The following FANCD2 variants were observed in gnomAD, a reference collection of about 807,000 sequenced individuals.
FANCD2 encodes the protein FA complementation group D2, also known as Fanconi anemia group D2 protein.
In FANCD2, 131 loss-of-function variants were observed where a neutral mutation model predicts 192.3. The ratio of observed to expected loss-of-function variants is 0.68; its 90% CI spans 0.59 to 0.79. FANCD2 has a LOEUF of 0.79. Among genes scored for constraint, FANCD2 ranks in the 30% least tolerant of loss-of-function variants. FANCD2 has a pLI of 0.00. For synonymous variants in FANCD2, 524 were observed against 612.5 expected, an observed-to-expected ratio of 0.86 and a Z score of 2.13; for missense variants, 1,508 against 1,701.6, an observed-to-expected ratio of 0.89 and a Z score of 2.00.
At chr3:10,091,074 T>A (rs1383260629) in intron 37 of FANCD2, among the ~76,000 whole-genome samples, 2 of 151,720 alleles carry the variant, frequency 1.3e-5, no homozygotes, top group African/African-American at 4.8e-5. Context: ...AGCCAGTATA[T>A]GTTTTTTCTT....
At chr3:10,057,142 C>T (rs2087436738) in intron 18 of FANCD2, among the ~76,000 whole-genome samples, 1 of 152,070 alleles carries the variant, frequency 6.6e-6, no homozygotes, top group Non-Finnish European at 1.5e-5. Flanking sequence ...AGGCATGAGC[C>T]ACCGTGCTCA....
At chr3:10,079,076 A>C (rs1355836318) in intron 30 of FANCD2, among the ~76,000 whole-genome samples, 1 of 152,002 alleles carries the variant, frequency 6.6e-6, no homozygotes, top group Non-Finnish European at 1.5e-5. Flanking sequence ...GCCTGTCTCT[A>C]CTAAAAATAC....
chr3:10,049,254 G>T, intron 16 of FANCD2, 120 bp from the exon 17 acceptor site: 1 of 992,700 alleles, frequency 1.0e-6, no homozygotes, highest in Non-Finnish European at 1.6e-6. Context: ...AATAGGTGAT[G>T]GGTTTGGGTT....
chr3:10,079,365 T>C (rs549360040), intron 30 of FANCD2, among the ~76,000 whole-genome samples: 8 of 152,094 alleles, frequency 5.3e-5, no homozygotes, highest in South Asian at 2.1e-4. Flanking sequence ...AGTGCAGTGG[T>C]GCAATCTCGG....
In FANCD2 at chr3:10,081,405, C is replaced by T. The variant is rs375929975; in HGVS notation, c.3165C>T (p.Tyr1055=). 242 of 1,613,896 alleles carry T rather than the reference C, an allele frequency of 1.5e-4. No homozygotes were observed. The highest frequency in any genetic ancestry group is 2.0e-4 in the Non-Finnish European group (232 of 1,179,948). ...GACCAGGAGTGAAAGTTCAGGAGTA[C>T]CACATAATGTCTTCCTGCTATCAGA... ...VDGPGVKVQE[Y]HIMSSCYQRL... Residue 1055 remains tyrosine, a synonymous_variant, in exon 32 of 44, where the codon TAC becomes TAT. Transcript: ENST00000675286.
intron 18 of FANCD2, 42 bp downstream of exon 18, chr3:10,052,539 AC>A: frequency 1.5e-6 from 2 of 1,329,028 alleles, no homozygotes; most frequent in Non-Finnish European, 2.2e-6. Context: ...TTTTTTTGAG[AC>A]AGAGTCTAGC....
intron 1 of FANCD2, 101 bp downstream of exon 1, chr3:10,026,574 G>C (rs2086456153): frequency 4.1e-6 from 1 of 245,214 alleles, no homozygotes; most frequent in Non-Finnish European, 6.5e-6. Context: ...CTGGGGCTCC[G>C]CGCCCCGAAC....
chr3:10,048,195 G>A (rs2087085475), intron 16 of FANCD2, 144 bp downstream of exon 16: 5 of 1,065,748 alleles, frequency 4.7e-6, no homozygotes, highest in Non-Finnish European at 5.6e-6. Flanking sequence ...TCCCAGCCTT[G>A]ATGAAAGGAA....
At position 10,034,469 on chromosome 3, in the gene FANCD2, C is replaced by T. The variant is rs2086681430; in HGVS notation, c.206C>T (p.Ala69Val). Reference sequence around the variant, plus strand: ...ACCAGCTCTTCTTTTTTCTGCATAGCTGTGGATCAAATAGCTTTCCAAAAG... The same window carrying T: ...ACCAGCTCTTCTTTTTTCTGCATAGTTGTGGATCAAATAGCTTTCCAAAAG... Reference protein sequence around the residue: ...LKTGESQNQLAVDQIAFQKKL... With the variant: ...LKTGESQNQLVVDQIAFQKKL... The change falls in exon 4 of 44, where the codon GCT becomes GTT. Residue 69 changes from alanine (A) to valine (V), a missense_variant and splice_region_variant. By Grantham distance (64) the Ala-to-Val change is moderately conservative. Transcript: ENST00000675286. The T allele has an allele frequency of 6.2e-7, 1 of 1,610,496 alleles. No individual in the cohort carries two copies. Among genetic ancestry groups the T allele is most frequent in the Non-Finnish European group, 8.5e-7 (1 of 1,176,980 alleles).
chr3:10,092,375 T>G, intron 38 of FANCD2, 123 bp downstream of exon 38: 1 of 804,594 alleles, frequency 1.2e-6, no homozygotes. Flanking sequence ...TCTCCCTGAG[T>G]CGTCTTCTTC....
At chr3:10,049,785 A>G (rs2087143011) in intron 17 of FANCD2, among the ~76,000 whole-genome samples, 1 of 152,232 alleles carries the variant, frequency 6.6e-6, no homozygotes, top group African/African-American at 2.4e-5. Flanking sequence ...GTAAAGTACT[A>G]TAGATATAAC....
At chr3:10,028,028 CA>C (rs2086498853) in intron 1 of FANCD2, among the ~76,000 whole-genome samples, 2 of 146,378 alleles carry the variant, frequency 1.4e-5, no homozygotes, top group Admixed American at 1.4e-4. Context: ...GCCTAGCCGA[CA>C]TGGTGAAACC....
chr3:10,088,862 G>T lies in FANCD2; in HGVS notation c.3595G>T (p.Ala1199Ser). Residue 1199 changes from alanine to serine, a missense_variant, in exon 36 of 44, where the codon GCC becomes TCC. By Grantham distance (99) the Ala-to-Ser change is moderately conservative (BLOSUM62 1). Around this residue, in one of 5 missense-constraint regions of FANCD2, gnomAD observed 796 missense variants for 879.4 expected, o/e 0.91. Transcript: ENST00000675286. ...GGAGCACACAGAGAGCATTCTGAAG[G>T]CCATAGAGGAGATTGCTGGTGTTGG... ...YLEHTESILK[A>S]IEEIAGVGVP... The T allele has an allele frequency of 6.2e-7, 1 of 1,614,058 alleles. No homozygotes were observed.
rs1264974463 is a variant in FANCD2, at chr3:10,091,584, C to T, written c.3778-597C>T. Among the ~76,000 whole-genome samples the T allele has an allele frequency of 5.9e-5, 9 of 152,066 alleles. No homozygotes were observed. The East Asian group carries it at 1.7e-3, about 29-fold the overall frequency. ...TTCTGGTTAGCAGGCTGCCAAGATC[C>T]ACAGTATCTCAAACAGGCTGGCTTA... On this transcript the variant is annotated intron_variant, in intron 37 of 43. Coordinates refer to ENST00000675286, the MANE Select transcript of FANCD2 (RefSeq NM_001018115.3).
chr3:10,053,163 T>C (rs2087267920), intron 18 of FANCD2, among the ~76,000 whole-genome samples: 1 of 146,864 alleles, frequency 6.8e-6, no homozygotes, highest in African/African-American at 2.5e-5. Context: ...ATTAAGAAAA[T>C]GTGGCACATA....
chr3:10,071,479 G>A (rs1170618769), intron 26 of FANCD2, among the ~76,000 whole-genome samples: 3 of 152,044 alleles, frequency 2.0e-5, no homozygotes, highest in Non-Finnish European at 2.9e-5. Context: ...AATGTGGTCC[G>A]TATACACAAT....
chr3:10,071,982 A>G (rs531847675), intron 26 of FANCD2, among the ~76,000 whole-genome samples: 1 of 151,946 alleles, frequency 6.6e-6, no homozygotes, highest in East Asian at 1.9e-4. Context: ...CTTGTCTCGA[A>G]CTCCTGACCT....
At position 10,087,131 on chromosome 3, in the gene FANCD2, C is replaced by T. The variant is rs778207357; in HGVS notation, c.3336-3C>T. ...TTTGTTTGTTTTTCTTGTCTCCTTA[C>T]AGCCAGAGCGTCCATTACTTGCAGA... On this transcript the variant is annotated splice_polypyrimidine_tract_variant and splice_region_variant and intron_variant, in intron 33 of 43. Transcript: ENST00000675286. 1 of 1,614,072 alleles carries T rather than the reference C, an allele frequency of 6.2e-7. No homozygotes were observed. Among genetic ancestry groups the T allele is most frequent in the South Asian group, 1.1e-5 (1 of 91,084 alleles).
At position 10,039,929 on chromosome 3, in the gene FANCD2, T is replaced by C. The variant is rs906647516; in HGVS notation, c.695+84T>C. 8 of 1,522,980 alleles carry C rather than the reference T, an allele frequency of 5.3e-6. No individual in the cohort carries two copies. The African/African-American group carries it at 6.9e-5, about 13-fold the overall frequency. The allele number at this position is 1,522,980 out of a possible 1,614,324, so 94.3% of individuals were successfully genotyped here. A position where few individuals can be genotyped will look rare whatever the true frequency, so the allele number is the denominator to read the frequency against. ...CAGTATGCAAAGAGCAGTAGTAATATGGTCTCTTCTATCTAAAAAGAGGAT... is the reference window on the plus strand; with the variant it reads ...CAGTATGCAAAGAGCAGTAGTAATACGGTCTCTTCTATCTAAAAAGAGGAT... On this transcript the variant is annotated intron_variant, in intron 9 of 43. Transcript: ENST00000675286.
Sources: gnomAD v4.1 joint callset for allele counts (sites outside exome capture counted in the v4.1 genomes callset) on GRCh38, gnomAD v4.1.1 for gene constraint, gnomAD v4.1.1 regional missense constraint, MANE v1.5 for transcripts, NCBI Gene and HGNC (gene_info 2026-07-23, HGNC 2026-07-21) for gene names.